LPP: variants seen among roughly 807,000 people sequenced by gnomAD.
LPP encodes lipoma-preferred partner.
A neutral mutation model predicts 60.4 loss-of-function variants in LPP; 38 were observed. That is an observed-to-expected ratio of 0.63 (90% CI 0.49 to 0.83). The LOEUF (loss-of-function observed/expected upper bound fraction) is 0.83, where lower values mean the gene tolerates loss of function less well. LPP is among the 40% of genes least tolerant of loss of function. LPP has a pLI of 0.00. For missense variants in LPP, 902 were observed against 783.6 expected (o/e 1.15, Z -1.80); for synonymous variants, 328 against 290.8 (o/e 1.13, Z -1.30).
At chr3:188,677,481 T>C (rs916361488) in intron 7 of LPP, among the ~76,000 whole-genome samples, 2 of 152,196 alleles carry the variant, frequency 1.3e-5, no homozygotes, top group African/African-American at 4.8e-5. Flanking sequence ...TACTCTACTG[T>C]ATATGGAAGT....
At chr3:188,749,442 A>G (rs1727360748) in intron 8 of LPP, among the ~76,000 whole-genome samples, 1 of 152,212 alleles carries the variant, frequency 6.6e-6, no homozygotes, top group Admixed American at 6.5e-5. Flanking sequence ...GACCCTTGAA[A>G]TCCTCTTAAC....
At chr3:188,263,615 C>T (rs1449444101) in intron 2 of LPP, among the ~76,000 whole-genome samples, 1 of 152,174 alleles carries the variant, frequency 6.6e-6, no homozygotes, top group Non-Finnish European at 1.5e-5. Context: ...TCACTTTCCT[C>T]ATTTGTGGAA....
intron 4 of LPP, among the ~76,000 whole-genome samples, chr3:188,435,356 T>C (rs1463315574): frequency 6.6e-6 from 1 of 152,166 alleles, no homozygotes; most frequent in African/African-American, 2.4e-5. Context: ...ATAGCTGTTT[T>C]TTCTTCCAAT....
At chr3:188,324,249 T>G (rs1757754820) in intron 2 of LPP, among the ~76,000 whole-genome samples, 1 of 152,186 alleles carries the variant, frequency 6.6e-6, no homozygotes, top group Admixed American at 6.5e-5. Flanking sequence ...CATTCCTAGA[T>G]TATTTGCCCT....
intron 9 of LPP, among the ~76,000 whole-genome samples, chr3:188,857,408 C>T (rs762750861): frequency 6.6e-6 from 1 of 152,154 alleles, no homozygotes; most frequent in Admixed American, 6.6e-5. Context: ...AACACAGGTT[C>T]AAATCCTGGC....
At chr3:188,760,886 C>G (rs150173280) in intron 9 of LPP, among the ~76,000 whole-genome samples, 1 of 152,236 alleles carries the variant, frequency 6.6e-6, no homozygotes, top group Non-Finnish European at 1.5e-5. Context: ...TCATTGTTTT[C>G]TTTTATTACA....
chr3:188,418,959 TAATTC>T (rs1787065381), intron 4 of LPP, among the ~76,000 whole-genome samples: 3 of 152,196 alleles, frequency 2.0e-5, no homozygotes, highest in Admixed American at 2.0e-4. Flanking sequence ...AATGGCATTT[TAATTC>T]GTCATTATTT....
intron 2 of LPP, among the ~76,000 whole-genome samples, chr3:188,336,308 C>G (rs1471115182): frequency 6.6e-6 from 1 of 152,036 alleles, no homozygotes; most frequent in African/African-American, 2.4e-5. Flanking sequence ...CAGGTTCACT[C>G]TCTGTGCTAG....
chr3:188,598,452 T>G (rs1262935068), intron 6 of LPP, among the ~76,000 whole-genome samples: 1 of 152,018 alleles, frequency 6.6e-6, no homozygotes, highest in Non-Finnish European at 1.5e-5. Flanking sequence ...TTAATAGAAG[T>G]AGAAACATTG....
At chr3:188,517,709 T>A (rs893761098) in intron 5 of LPP, among the ~76,000 whole-genome samples, 6 of 152,176 alleles carry the variant, frequency 3.9e-5, no homozygotes, top group African/African-American at 9.6e-5. Context: ...CAGAAACCCC[T>A]GATAAAACCA....
chr3:188,241,190 A>G (rs1724605918), intron 2 of LPP, among the ~76,000 whole-genome samples: 1 of 152,178 alleles, frequency 6.6e-6, no homozygotes, highest in Admixed American at 6.5e-5. Flanking sequence ...GTGGGTATGG[A>G]TAGAACTACT....
chr3:188,353,459 C>T (rs1350287380), intron 3 of LPP, among the ~76,000 whole-genome samples: 1 of 152,188 alleles, frequency 6.6e-6, no homozygotes, highest in Non-Finnish European at 1.5e-5. Context: ...AAACCCAATA[C>T]ACTGTCTATT....
intron 1 of LPP, among the ~76,000 whole-genome samples, chr3:188,224,832 C>A (rs1717140286): frequency 6.6e-6 from 1 of 152,098 alleles, no homozygotes; most frequent in Admixed American, 6.6e-5. Flanking sequence ...GAGAAATCCG[C>A]CCCCATCATC....
At chr3:188,475,628 C>T (rs1285064095) in intron 4 of LPP, among the ~76,000 whole-genome samples, 4 of 152,132 alleles carry the variant, frequency 2.6e-5, no homozygotes, top group East Asian at 1.9e-4. Context: ...GCAGGCCGGG[C>T]GTGGTGGCTC....
intron 7 of LPP, among the ~76,000 whole-genome samples, chr3:188,619,178 C>A (rs980614355): frequency 6.6e-6 from 1 of 152,174 alleles, no homozygotes; most frequent in South Asian, 2.1e-4. Context: ...GCATCTGCCA[C>A]CAGGCCCAGC....
At position 188,881,899 on chromosome 3, in the gene LPP, C is replaced by T. The variant is rs181871715; in HGVS notation, c.*7420C>T. 6.2e-4 allele frequency: 134 copies of T among 217,052 alleles called. 1 individual carries two copies. In the East Asian group the frequency reaches 8.4e-3, roughly 14 times the overall value. The allele number at this position is 217,052 out of a possible 1,614,324, so 13.4% of individuals were successfully genotyped here. ...TGATTGATTTCGAGATTCATTCATT[C>T]TGTGCTCAAATATTTGTACCTAGAG... On this transcript the variant is annotated 3_prime_UTR_variant, in exon 12 of 12. Transcript: ENST00000617246.
chr3:188,796,951 CCCTA>C (rs1349162002), intron 9 of LPP, among the ~76,000 whole-genome samples: 1 of 152,116 alleles, frequency 6.6e-6, no homozygotes, highest in Non-Finnish European at 1.5e-5. Context: ...GTTTCCTGCC[CCCTA>C]AAATGACCTA....
At chr3:188,392,121 T>C (rs1779842164) in intron 3 of LPP, among the ~76,000 whole-genome samples, 1 of 152,218 alleles carries the variant, frequency 6.6e-6, no homozygotes, top group Non-Finnish European at 1.5e-5. Context: ...TTGTGTGTAG[T>C]AGATATTAAG....
intron 8 of LPP, among the ~76,000 whole-genome samples, chr3:188,755,279 T>C (rs1332066271): frequency 6.6e-6 from 1 of 152,140 alleles, no homozygotes; most frequent in Non-Finnish European, 1.5e-5. Flanking sequence ...TTACATTTGA[T>C]GGTGAATAAT....
Sources: allele counts gnomAD v4.1 joint callset (sites outside exome capture counted in the v4.1 genomes callset), GRCh38; gene constraint gnomAD v4.1.1; transcripts MANE v1.5; gene names NCBI Gene and HGNC (gene_info 2026-07-23, HGNC 2026-07-21).